PDE8B: variants seen among roughly 807,000 people sequenced by gnomAD.
PDE8B encodes the protein phosphodiesterase 8B, also known as high affinity cAMP-specific and IBMX-insensitive 3',5'-cyclic phosphodiesterase 8B.
In PDE8B, 26 loss-of-function variants were observed where a neutral mutation model predicts 101.3. The ratio of observed to expected loss-of-function variants is 0.26; its 90% CI spans 0.19 to 0.36. PDE8B has a LOEUF of 0.36. Among genes scored for constraint, PDE8B ranks in the 10% least tolerant of loss-of-function variants. The probability of loss-of-function intolerance (pLI) is 1.00; values close to 1 mark genes in which losing one functional copy is unlikely to be tolerated. For missense variants in PDE8B, 810 were observed against 1,163.1 expected (o/e 0.70, Z 4.42); for synonymous variants, 424 against 429.3 (o/e 0.99, Z 0.15).
chr5:77,278,765 AC>A (rs1764360345), intron 1 of PDE8B, among the ~76,000 whole-genome samples: 3 of 152,132 alleles, frequency 2.0e-5, no homozygotes, highest in Admixed American at 1.3e-4. Context: ...AAAGAGAGAT[AC>A]CTTTTTTCAA....
intron 1 of PDE8B, among the ~76,000 whole-genome samples, chr5:77,225,506 CGTCCATTCCCT>C (rs1561374133): frequency 1.3e-5 from 2 of 152,032 alleles, no homozygotes; most frequent in African/African-American, 4.8e-5. Flanking sequence ...AGGTTTGTTG[CGTCCATTCCCT>C]GTCTCTGATC....
At chr5:77,171,938 G>A in the PDE8B span, among the ~76,000 whole-genome samples, 4 of 152,170 alleles carry the variant, frequency 2.6e-5, no homozygotes, top group Non-Finnish European at 5.9e-5. Context: ...GGGGAGGAAG[G>A]ATGGAGATGA....
chr5:77,300,117 T>C (rs138722010), intron 1 of PDE8B, among the ~76,000 whole-genome samples: 47 of 152,330 alleles, frequency 3.1e-4, no homozygotes, highest in African/African-American at 1.1e-3. Flanking sequence ...CCTTGAGCAC[T>C]GAAGGTGAGA....
At chr5:77,319,122 C>G (rs1284442153) in intron 2 of PDE8B, among the ~76,000 whole-genome samples, 1 of 152,170 alleles carries the variant, frequency 6.6e-6, no homozygotes, top group African/African-American at 2.4e-5. Flanking sequence ...GCAGGTATCT[C>G]TTGCTTTGTA....
At chr5:77,116,651 T>C in the PDE8B span, among the ~76,000 whole-genome samples, 11 of 152,220 alleles carry the variant, frequency 7.2e-5, no homozygotes, top group East Asian at 1.9e-3. Context: ...TTGATATTCC[T>C]TAAAAGTTCC....
At chr5:77,254,971 A>T (rs542042763) in intron 1 of PDE8B, among the ~76,000 whole-genome samples, 4 of 152,258 alleles carry the variant, frequency 2.6e-5, no homozygotes, top group African/African-American at 9.6e-5. Flanking sequence ...TTGTTTCTAG[A>T]GAATCTTTCG....
chr5:77,250,936 A>G (rs1189047733), intron 1 of PDE8B, among the ~76,000 whole-genome samples: 2 of 152,268 alleles, frequency 1.3e-5, no homozygotes, highest in Non-Finnish European at 2.9e-5. Flanking sequence ...TTATAAAAGC[A>G]CATAGTATAG....
the PDE8B span, chr5:77,092,352 CTT>C: frequency 6.6e-6 from 1 of 152,030 alleles, no homozygotes; most frequent in African/African-American, 2.4e-5. Context: ...TATCTAATAA[CTT>C]TTCTTCTTTG....
At chr5:77,311,588 T>C (rs986070196) in intron 1 of PDE8B, among the ~76,000 whole-genome samples, 14 of 152,222 alleles carry the variant, frequency 9.2e-5, no homozygotes, top group African/African-American at 3.1e-4. Flanking sequence ...GTTTATTCTC[T>C]TTTGAAATTT....
In PDE8B at chr5:77,409,194, C is replaced by G. The variant is rs892418339; in HGVS notation, c.1530+137C>G. The G allele has an allele frequency of 9.6e-6, 7 of 732,318 alleles. No individual in the cohort carries two copies. The Admixed American group carries it at 1.4e-4, about 15-fold the overall frequency. 45.4% of individuals were successfully genotyped at this position (732,318 alleles called of 1,614,324 possible). ...ACGTTAGCATAACCAGAAGCAACTG[C>G]GTCAGAATTTATGTATAACATGTGC... On this transcript the variant is annotated intron_variant, in intron 14 of 21. Coordinates refer to ENST00000264917, the MANE Select transcript of PDE8B (RefSeq NM_003719.5).
At chr5:77,355,418 ATC>A (rs1352413733) in intron 10 of PDE8B, among the ~76,000 whole-genome samples, 2 of 152,066 alleles carry the variant, frequency 1.3e-5, no homozygotes, top group Non-Finnish European at 2.9e-5. Context: ...TGGCAATGGG[ATC>A]TGTGCTGGGG....
rs1795954861 is a variant in PDE8B at position 77,418,167 on chromosome 5, G to C, written c.1912-62G>C. ...CTGACCCGACCCTCCGCACAGACAA[G>C]GATGGATGTGGGTCTCCAAGATCCA... On this transcript the variant is annotated intron_variant, in intron 17 of 21. Coordinates refer to ENST00000264917, the MANE Select transcript of PDE8B (RefSeq NM_003719.5). 13 of 1,070,776 alleles carry C rather than the reference G, an allele frequency of 1.2e-5. No homozygotes were observed. In the South Asian group the frequency reaches 1.6e-4, roughly 14 times the overall value. The allele number at this position is 1,070,776 out of a possible 1,614,324, so 66.3% of individuals were successfully genotyped here.
the PDE8B span, among the ~76,000 whole-genome samples, chr5:77,097,713 A>C: frequency 1.0e-4 from 4 of 38,334 alleles, 1 homozygote; most frequent in Admixed American, 1.9e-3. Flanking sequence ...ATATCTATAT[A>C]TATATATATA....
At chr5:77,312,174 G>T in intron 2 of PDE8B, 121 bp downstream of exon 2, 1 of 726,766 alleles carries the variant, frequency 1.4e-6, no homozygotes. Flanking sequence ...CTCAGTCTCG[G>T]CTCACTGCAA....
At chr5:77,163,586 C>T in the PDE8B span, among the ~76,000 whole-genome samples, 1 of 152,166 alleles carries the variant, frequency 6.6e-6, no homozygotes, top group African/African-American at 2.4e-5. Context: ...GCTTATAAAA[C>T]AAAAACCCTC....
chr5:77,349,549 A>G lies in PDE8B; in HGVS notation c.1007A>G (p.Lys336Arg). The G allele has an allele frequency of 1.2e-6, 2 of 1,614,210 alleles. No homozygotes were observed. Among genetic ancestry groups the G allele is most frequent in the East Asian group, 2.2e-5 (1 of 44,886 alleles). ...DLLDTINTCI[K>R]KGKEWQGVYY... ...CTCGACACCATCAATACATGCATCA[A>G]GAAGGGAAAGGTGGGTTACACCAGC... Residue 336 changes from lysine (K) to arginine (R), a missense_variant, in exon 8 of 22, where the codon AAG (lysine) becomes AGG (arginine). Lys to Arg is a conservative substitution (Grantham distance 26, BLOSUM62 2). Coordinates refer to ENST00000264917, the MANE Select transcript of PDE8B (RefSeq NM_003719.5).
At chr5:77,114,442 A>C in the PDE8B span, 1 of 152,166 alleles carries the variant, frequency 6.6e-6, no homozygotes, top group Non-Finnish European at 1.5e-5. Context: ...GTTCTCACTC[A>C]TAGGTGGGAG....
At chr5:77,409,565 G>T (rs933664197) in intron 14 of PDE8B, among the ~76,000 whole-genome samples, 4 of 151,976 alleles carry the variant, frequency 2.6e-5, no homozygotes, top group Non-Finnish European at 5.9e-5. Flanking sequence ...GCTCAGGGAG[G>T]GGAAGGGGAG....
chr5:77,363,693 CAG>C (rs1433762088), intron 10 of PDE8B, among the ~76,000 whole-genome samples: 2 of 141,174 alleles, frequency 1.4e-5, no homozygotes, highest in Non-Finnish European at 3.0e-5. Flanking sequence ...GCCTGGGTGA[CAG>C]AGCAAGACTC....
Sources: gnomAD v4.1 joint callset for allele counts (sites outside exome capture counted in the v4.1 genomes callset) on GRCh38, gnomAD v4.1.1 for gene constraint, MANE v1.5 for transcripts, NCBI Gene and HGNC (gene_info 2026-07-23, HGNC 2026-07-21) for gene names.